The following ZNF407 variants were observed in gnomAD, a reference collection of about 807,000 sequenced individuals.
ZNF407 encodes zinc finger protein 407.
In ZNF407, 17 loss-of-function variants were observed where a neutral mutation model predicts 131.2. The ratio of observed to expected loss-of-function variants is 0.13; its 90% confidence interval spans 0.09 to 0.19. The LOEUF (loss-of-function observed/expected upper bound fraction) is 0.19. Ranked by LOEUF, ZNF407 falls within the 10% of genes least tolerant of loss-of-function variation. The pLI, the probability that ZNF407 is intolerant of heterozygous loss-of-function variation, is 1.00. For missense variants in ZNF407, 2,681 were observed against 2,830.6 expected, an observed-to-expected ratio of 0.95 and a Z score of 1.20; for synonymous variants, 1,156 against 1,062.0, an observed-to-expected ratio of 1.09 and a Z score of -1.72.
intron 4 of ZNF407, among the ~76,000 whole-genome samples, chr18:74,832,447 GT>G (rs576959863): frequency 2.9e-4 from 43 of 148,138 alleles, no homozygotes; most frequent in African/African-American, 6.4e-4. Flanking sequence ...ATTTAAGTTG[GT>G]TTTTTTTTTC....
chr18:74,755,232 G>A (rs1363940605), intron 3 of ZNF407, among the ~76,000 whole-genome samples: 2 of 151,170 alleles, frequency 1.3e-5, no homozygotes, highest in Admixed American at 6.6e-5. Flanking sequence ...CTTTTTTTGA[G>A]CCTATTTGTG....
intron 4 of ZNF407, among the ~76,000 whole-genome samples, chr18:74,864,976 G>T (rs570106478): frequency 7.9e-5 from 12 of 152,298 alleles, no homozygotes. Context: ...TAATTGTAAT[G>T]AACAATATCT....
chr18:74,688,114 C>T (rs922496627), intron 3 of ZNF407, among the ~76,000 whole-genome samples: 2 of 152,218 alleles, frequency 1.3e-5, no homozygotes, highest in South Asian at 2.1e-4. Flanking sequence ...TACAAAGTTC[C>T]ATATAGCTTT....
At chr18:74,747,666 C>G (rs528658822) in intron 3 of ZNF407, among the ~76,000 whole-genome samples, 1 of 152,158 alleles carries the variant, frequency 6.6e-6, no homozygotes, top group South Asian at 2.1e-4. Flanking sequence ...CCAATACTGT[C>G]TAGGGTTCAG....
chr18:74,714,465 T>C (rs1219333479), intron 3 of ZNF407, among the ~76,000 whole-genome samples: 1 of 152,256 alleles, frequency 6.6e-6, no homozygotes, highest in Admixed American at 6.5e-5. Flanking sequence ...ATATTTTCTC[T>C]TGCTTTGTTA....
chr18:74,761,342 C>G (rs1196675646), intron 3 of ZNF407, among the ~76,000 whole-genome samples: 1 of 151,956 alleles, frequency 6.6e-6, no homozygotes, highest in Non-Finnish European at 1.5e-5. Context: ...ATTTCTTATA[C>G]TTGTGCATAT....
At chr18:74,755,150 T>C (rs1305176899) in intron 3 of ZNF407, among the ~76,000 whole-genome samples, 1 of 138,182 alleles carries the variant, frequency 7.2e-6, no homozygotes, top group Non-Finnish European at 1.5e-5. Flanking sequence ...AAGTTTGTTT[T>C]ATCAGAGACT....
chr18:74,621,886 G>A (rs1410066885), intron 1 of ZNF407, among the ~76,000 whole-genome samples: 2 of 152,182 alleles, frequency 1.3e-5, no homozygotes, highest in South Asian at 4.1e-4. Context: ...CTGTGAGGAC[G>A]TGGGTTTCCT....
chr18:75,020,297 T>C (rs557235971), intron 8 of ZNF407, among the ~76,000 whole-genome samples: 2 of 136,674 alleles, frequency 1.5e-5, no homozygotes, highest in African/African-American at 5.5e-5. Context: ...TGTGTATGTG[T>C]ATATGTGTGT....
intron 4 of ZNF407, among the ~76,000 whole-genome samples, chr18:74,788,247 G>A (rs1315841681): frequency 1.3e-5 from 2 of 152,176 alleles, no homozygotes; most frequent in Admixed American, 6.5e-5. Context: ...TTCAAGGGCA[G>A]TTTTGCAATA....
intron 8 of ZNF407, among the ~76,000 whole-genome samples, chr18:75,047,915 A>T (rs1973453986): frequency 1.3e-5 from 2 of 152,168 alleles, no homozygotes; most frequent in African/African-American, 4.8e-5. Context: ...GATGACGTTT[A>T]ATAGTGAGTA....
intron 7 of ZNF407, chr18:74,905,311 T>C (rs1168218366): frequency 6.6e-6 from 1 of 152,226 alleles, no homozygotes; most frequent in Non-Finnish European, 1.5e-5. Context: ...TATGATTGGG[T>C]CTGAAAGGCT....
rs564402787 is a variant in ZNF407 at position 74,797,294 on chromosome 18, G to A, written c.4877+15792G>A. The stretch of plus-strand genomic sequence containing the variant: ...TATATTAACATAATTTAAAAGGACA[G>A]AATTGGTTTGCTTGTCGTTAAAATA... On this transcript the variant is annotated intron_variant, in intron 4 of 8. Coordinates refer to ENST00000299687, the MANE Select transcript of ZNF407 (RefSeq NM_017757.3). 3.3e-5 allele frequency among the ~76,000 whole-genome samples: 5 copies of A among 152,340 alleles called. No individual in the cohort carries two copies. The East Asian group carries it at 9.6e-4, about 29-fold the overall frequency.
chr18:74,621,101 CTCTTTAT>C (rs1444412377), intron 1 of ZNF407, among the ~76,000 whole-genome samples: 3 of 151,560 alleles, frequency 2.0e-5, no homozygotes, highest in Admixed American at 6.6e-5. Context: ...TCTACTGTAT[CTCTTTAT>C]TATTATTATT....
At chr18:74,713,258 A>C in intron 3 of ZNF407, among the ~76,000 whole-genome samples, 1 of 152,154 alleles carries the variant, frequency 6.6e-6, no homozygotes, top group East Asian at 1.9e-4. Flanking sequence ...TCTTTAAAAT[A>C]AATGACATGG....
Position 75,064,684 on chromosome 18 carries a change from G to C in ZNF407, c.*216G>C. ...TGGGCCTCGGGGAGCAGGCTGCCAA[G>C]TGCAGGGGAGGGCCGGGCGCAGGCC... On this transcript the variant is annotated 3_prime_UTR_variant, in exon 9 of 9. Transcript: ENST00000299687. 2.1e-6 allele frequency: 1 copy of C among 470,436 alleles called. No individual in the cohort carries two copies. The highest frequency in any genetic ancestry group is 6.0e-5 in the South Asian group (1 of 16,700). The allele number at this position is 470,436 out of a possible 1,614,324, so 29.1% of individuals were successfully genotyped here.
At chr18:74,990,792 A>G (rs1972709209) in intron 8 of ZNF407, among the ~76,000 whole-genome samples, 1 of 152,212 alleles carries the variant, frequency 6.6e-6, no homozygotes, top group Non-Finnish European at 1.5e-5. Flanking sequence ...TGCACCATAC[A>G]GCTTTGCGAA....
At chr18:74,642,812 C>T (rs768035588) in intron 3 of ZNF407, among the ~76,000 whole-genome samples, 11 of 152,018 alleles carry the variant, frequency 7.2e-5, no homozygotes, top group Non-Finnish European at 1.6e-4. Context: ...TGTATGTGTG[C>T]GTTTGTAGAA....
intron 4 of ZNF407, among the ~76,000 whole-genome samples, chr18:74,793,763 AGAAG>A (rs1969868015): frequency 6.6e-6 from 1 of 152,218 alleles, no homozygotes; most frequent in African/African-American, 2.4e-5. Flanking sequence ...TGCAGTTGGC[AGAAG>A]AGGGAACATC....
Sources: gnomAD v4.1 joint callset for allele counts (sites outside exome capture counted in the v4.1 genomes callset) on GRCh38, gnomAD v4.1.1 for gene constraint, MANE v1.5 for transcripts, NCBI Gene and HGNC (gene_info 2026-07-23, HGNC 2026-07-21) for gene names.